The following INTS6L variants were observed in gnomAD, a reference collection of about 807,000 sequenced individuals.
INTS6L encodes the protein integrator complex subunit 6 like, also known as integrator complex subunit 6-like.
Under a neutral mutation model 64.7 loss-of-function variants are expected in INTS6L, and 18 were observed. The observed-to-expected ratio is 0.28, with a 90% CI of 0.19 to 0.41. The LOEUF (loss-of-function observed/expected upper bound fraction) is 0.41. Ranked by LOEUF, INTS6L falls within the 10% of genes least tolerant of loss-of-function variation. The pLI, the probability that INTS6L is intolerant of heterozygous loss-of-function variation, is 1.00. For missense variants in INTS6L, 533 were observed against 661.0 expected (o/e 0.81, Z 2.12); for synonymous variants, 227 against 235.9 (o/e 0.96, Z 0.34).
At chrX:135,555,872 A>G (rs1252851375) in intron 8 of INTS6L, among the ~76,000 whole-genome samples, 1 of 111,116 alleles carries the variant, frequency 9.0e-6, no homozygotes, top group East Asian at 2.8e-4. Flanking sequence ...AATTTGTTGT[A>G]GAGATGAGAT....
At chrX:135,558,897 C>T (rs902734663) in intron 9 of INTS6L, among the ~76,000 whole-genome samples, 19 of 107,627 alleles carry the variant, frequency 1.8e-4, no homozygotes, top group African/African-American at 5.1e-4. Flanking sequence ...GTGACTCTCC[C>T]GCCTCAGCCT....
chrX:135,556,128 C>T (rs972298947), intron 8 of INTS6L, 40 bp from the exon 9 acceptor site: 2 of 1,118,350 alleles, frequency 1.8e-6, no homozygotes, highest in Non-Finnish European at 2.4e-6. Flanking sequence ...ACATAAAATC[C>T]TTATTGTCAT....
intron 9 of INTS6L, among the ~76,000 whole-genome samples, chrX:135,560,223 T>C (rs1024741851): frequency 3.3e-4 from 37 of 112,334 alleles, no homozygotes; most frequent in African/African-American, 1.2e-3. Flanking sequence ...TGTTCACTGC[T>C]AGTATATACA....
chrX:135,563,409 C>T (rs2086836775), intron 9 of INTS6L, among the ~76,000 whole-genome samples: 1 of 109,983 alleles, frequency 9.1e-6, no homozygotes, highest in South Asian at 3.8e-4. Flanking sequence ...CATATTTTGG[C>T]ATATCCTGTT....
intron 2 of INTS6L, among the ~76,000 whole-genome samples, chrX:135,544,760 G>A (rs1418616090): frequency 2.7e-5 from 3 of 112,104 alleles, no homozygotes; most frequent in Non-Finnish European, 5.6e-5. Context: ...TGTTGACCTT[G>A]GATCTTTGGT....
intron 15 of INTS6L, among the ~76,000 whole-genome samples, chrX:135,578,728 A>C (rs782576141): frequency 6.1e-4 from 67 of 110,366 alleles, no homozygotes; most frequent in African/African-American, 1.9e-3. Context: ...AAATCCCACT[A>C]TTTCTCTCTA....
At chrX:135,563,671 C>CTATATATATATA (rs1569512847) in intron 9 of INTS6L, among the ~76,000 whole-genome samples, 2 of 5,272 alleles carry the variant, frequency 3.8e-4, no homozygotes, top group South Asian at 0.012. Flanking sequence ...ATATATATAG[C>CTATATATATATA]TATATATATA....
At chrX:135,563,069 T>C (rs782244334) in intron 9 of INTS6L, among the ~76,000 whole-genome samples, 1 of 111,781 alleles carries the variant, frequency 8.9e-6, no homozygotes, top group Non-Finnish European at 1.9e-5. Flanking sequence ...TTTACTGGCA[T>C]CTTTTGGGTT....
At chrX:135,580,501 G>T (rs1464980339) in intron 16 of INTS6L, among the ~76,000 whole-genome samples, 1 of 112,575 alleles carries the variant, frequency 8.9e-6, no homozygotes, top group Non-Finnish European at 1.9e-5. Context: ...CATTCCTTCT[G>T]CTAGCTCTAG....
chrX:135,580,787 G>A (rs1185118015), intron 16 of INTS6L, among the ~76,000 whole-genome samples: 1 of 112,414 alleles, frequency 8.9e-6, no homozygotes, highest in Non-Finnish European at 1.9e-5. Context: ...AGTCTTTTTT[G>A]CTATATAAGG....
chrX:135,530,995 T>C (rs1556504558), intron 2 of INTS6L, among the ~76,000 whole-genome samples: 1 of 112,272 alleles, frequency 8.9e-6, no homozygotes, highest in African/African-American at 3.2e-5. Context: ...GCTCAAATAG[T>C]TCAGTGAACT....
Position 135,575,084 on chromosome X carries a change from A to G in INTS6L, c.1742A>G (p.Asp581Gly), listed in dbSNP as rs1556530128. ...THKFIVGQDE[D>G]SLHSVPVAQM... Reference sequence around the variant, plus strand: ...AATTTCTTTTCCTGTGATTTTGCAGATTCCCTTCATAGTGTTCCAGTTGCA... The same window carrying G: ...AATTTCTTTTCCTGTGATTTTGCAGGTTCCCTTCATAGTGTTCCAGTTGCA... The change falls in exon 14 of 18, where the codon GAT becomes GGT. Residue 581 changes from aspartate (D) to glycine (G), a missense_variant and splice_region_variant. Physicochemically the swap from Asp to Gly is moderately conservative, Grantham distance 94 (BLOSUM62 -1). Coordinates refer to ENST00000639893, the MANE Select transcript of INTS6L (RefSeq NM_001351601.3). 8.3e-7 allele frequency: 1 copy of G among 1,208,387 alleles called. No homozygotes were observed. Among genetic ancestry groups the G allele is most frequent in the East Asian group, 3.0e-5 (1 of 33,810 alleles).
intron 15 of INTS6L, 117 bp from the exon 16 acceptor site, chrX:135,579,671 G>A: frequency 9.9e-7 from 1 of 1,009,900 alleles, no homozygotes; most frequent in Non-Finnish European, 1.3e-6. Flanking sequence ...ATCGCCACCT[G>A]GTATATCATC....
At position 135,577,355 on chromosome X, in the gene INTS6L, G is replaced by C. The variant is rs138551817; in HGVS notation, c.2047G>C (p.Gly683Arg). Residue 683 changes from glycine (G) to arginine (R), a missense_variant, in exon 15 of 18, where the codon GGA becomes CGA. Transcript: ENST00000639893. The stretch of plus-strand genomic sequence containing the variant: ...ACCTACTGTAACTAACCATGTGGGC[G>C]GAAAGGGACCACCCTCAGCCTCGTG... Reference protein sequence around the residue: ...TPPTVTNHVGGKGPPSASWFP... With the variant: ...TPPTVTNHVGRKGPPSASWFP... The C allele has an allele frequency of 3.3e-6, 4 of 1,209,816 alleles. No homozygotes were observed.
At chrX:135,555,914 C>T (rs1373252726) in intron 8 of INTS6L, among the ~76,000 whole-genome samples, 2 of 111,813 alleles carry the variant, frequency 1.8e-5, no homozygotes, top group African/African-American at 6.5e-5. Context: ...GTCTCAAACT[C>T]CTGGCCTCAA....
rs1394209345 is a variant in INTS6L, at chrX:135,520,855, G to A, written c.-138G>A. The A allele has an allele frequency of 3.2e-6, 2 of 620,212 alleles. No individual in the cohort carries two copies. The highest frequency in any genetic ancestry group is 3.3e-5 in the East Asian group (1 of 30,420). The allele number at this position is 620,212 out of a possible 1,213,427, so 51.1% of individuals were successfully genotyped here. A position where few individuals can be genotyped will look rare whatever the true frequency, so the allele number is the denominator to read the frequency against. On this transcript the variant is annotated 5_prime_UTR_variant, in exon 1 of 18. Transcript: ENST00000639893. Reference sequence around the variant, plus strand: ...GGCCAGGAGCGGTCCCATCCGTCCCGTCCCGTCCCGTCTCCCCCTCTTCCT... The same window carrying A: ...GGCCAGGAGCGGTCCCATCCGTCCCATCCCGTCCCGTCTCCCCCTCTTCCT...
intron 2 of INTS6L, among the ~76,000 whole-genome samples, chrX:135,543,916 A>G (rs1042927977): frequency 1.8e-5 from 2 of 112,305 alleles, no homozygotes; most frequent in Non-Finnish European, 3.8e-5. Flanking sequence ...CAATTTGGCC[A>G]AAGGAGCACC....
intron 16 of INTS6L, among the ~76,000 whole-genome samples, chrX:135,580,376 G>T (rs895876729): frequency 1.8e-5 from 2 of 112,024 alleles, no homozygotes; most frequent in African/African-American, 6.5e-5. Context: ...TTTTGCTGCC[G>T]TAACAAGTTA....
At chrX:135,581,468 C>A in intron 17 of INTS6L, 60 bp from the exon 18 acceptor site, 1 of 880,426 alleles carries the variant, frequency 1.1e-6, no homozygotes, top group Admixed American at 2.5e-5. Context: ...CACACAGTGC[C>A]TTGAACATCA....
Sources: gnomAD v4.1 joint callset for allele counts (sites outside exome capture counted in the v4.1 genomes callset) on GRCh38, gnomAD v4.1.1 for gene constraint, MANE v1.5 for transcripts, NCBI Gene and HGNC (gene_info 2026-07-23, HGNC 2026-07-21) for gene names.